Variants in ABCF2 observed in about 807,000 individuals in gnomAD.
ABCF2 encodes ATP binding cassette subfamily F member 2.
ABCF2 carries 37 observed loss-of-function variants against 76.9 expected under a neutral mutation model. The observed-to-expected ratio is 0.48, with a 90% CI of 0.37 to 0.63. The LOEUF (loss-of-function observed/expected upper bound fraction) is 0.63. ABCF2 is among the 30% of genes least tolerant of loss of function. ABCF2 has a pLI of 0.00. For synonymous variants in ABCF2, 299 were observed against 283.7 expected (o/e 1.05, Z -0.54); for missense variants, 524 against 782.1 (o/e 0.67, Z 3.94).
intron 1 of ABCF2, 72 bp from the exon 2 acceptor site, chr7:151,226,572 C>T: frequency 8.8e-7 from 1 of 1,139,398 alleles, no homozygotes; most frequent in Non-Finnish European, 1.2e-6. Context: ...TGCTCCATCC[C>T]TCTCAGGAAT....
chr7:151,215,953 C>G lies in ABCF2; in HGVS notation c.1401+14G>C. 6.2e-7 allele frequency: 1 copy of G among 1,613,892 alleles called. No individual in the cohort carries two copies. The highest frequency in any genetic ancestry group is 2.2e-5 in the East Asian group (1 of 44,874). ...CCCTGGGCAATTCCCCGGATCCCAA[C>G]CCCAGGCCTGTACCTGATGGTAACG... On this transcript the variant is annotated intron_variant, in intron 12 of 14. Coordinates refer to ENST00000287844, the MANE Select transcript of ABCF2 (RefSeq NM_007189.3). The surrounding 1 kb of genome is among the most constrained non-coding windows in gnomAD (Gnocchi z 4.6).
intron 11 of ABCF2, among the ~76,000 whole-genome samples, chr7:151,216,836 A>G (rs576104045): frequency 6.6e-6 from 1 of 152,342 alleles, no homozygotes; most frequent in African/African-American, 2.4e-5. Context: ...CACTTCTAAT[A>G]TTCAACATCA....
Position 151,212,167 on chromosome 7 carries a change from TTA to T in ABCF2, c.*1885_*1886del. ...GTTGCTCCCGCCAGTCCTGGCTGTA[TTA>T]TGAGTACTGAAAAATCATGGCTGTG... On this transcript the variant is annotated 3_prime_UTR_variant, in exon 15 of 15. Coordinates refer to ENST00000287844, the MANE Select transcript of ABCF2 (RefSeq NM_007189.3). The T allele has an allele frequency of 3.0e-6, 3 of 985,444 alleles. No individual in the cohort carries two copies. The highest frequency in any genetic ancestry group is 2.4e-6 in the Non-Finnish European group (2 of 829,930). 61.0% of individuals were successfully genotyped at this position (985,444 alleles called of 1,614,324 possible). A position where few individuals can be genotyped will look rare whatever the true frequency, so the allele number is the denominator to read the frequency against.
At chr7:151,222,369 A>C in intron 6 of ABCF2, 152 bp downstream of exon 6, 1 of 519,874 alleles carries the variant, frequency 1.9e-6, no homozygotes, top group South Asian at 3.5e-5. Flanking sequence ...CAACAGCCCT[A>C]AAGGTGCTCA....
In ABCF2 at chr7:151,220,849, A is replaced by G. The variant is rs538898082; in HGVS notation, c.921+729T>C. ...CTAAAAATACAAAAACTAGCCAGAC[A>G]TGGCAGTGCATGCCTGTAGTCCCAG... On this transcript the variant is annotated intron_variant, in intron 7 of 14. Coordinates refer to ENST00000287844, the MANE Select transcript of ABCF2 (RefSeq NM_007189.3). Among the ~76,000 whole-genome samples the G allele has an allele frequency of 9.2e-5, 14 of 152,320 alleles. No individual in the cohort carries two copies. The South Asian group carries it at 2.7e-3, about 29-fold the overall frequency.
At position 151,214,791 on chromosome 7, in the gene ABCF2, G is replaced by A. The variant is rs543841687; in HGVS notation, c.1734+88C>T. The stretch of plus-strand genomic sequence containing the variant: ...AGCCCCTTCTCTTAATTCAGTAGGC[G>A]GGTATTATGCACCCTCCACATGCCA... On this transcript the variant is annotated intron_variant, in intron 14 of 14. Transcript: ENST00000287844. The surrounding 1 kb of genome is among the most constrained non-coding windows in gnomAD (Gnocchi z 4.9). The A allele has an allele frequency of 8.4e-5, 106 of 1,262,082 alleles. No homozygotes were observed. Among genetic ancestry groups the A allele is most frequent in the South Asian group, 2.5e-4 (20 of 79,792 alleles). The allele number at this position is 1,262,082 out of a possible 1,614,324, so 78.2% of individuals were successfully genotyped here. A position where few individuals can be genotyped will look rare whatever the true frequency, so the allele number is the denominator to read the frequency against.
At chr7:151,221,556 G>A (rs763945496) in intron 7 of ABCF2, 22 bp downstream of exon 7, 5 of 1,385,222 alleles carry the variant, frequency 3.6e-6, no homozygotes, top group African/African-American at 2.9e-5. Flanking sequence ...GAGATTACCA[G>A]AAGAAGCCGA....
In ABCF2 at chr7:151,214,774, C is replaced by T; in HGVS notation, c.1734+105G>A. On this transcript the variant is annotated intron_variant, in intron 14 of 14. Transcript: ENST00000287844. This position sits in a 1 kb window ranked among gnomAD's most constrained non-coding sequence, Gnocchi z 4.9. Reference sequence around the variant, plus strand: ...CCTGTGTCTACACTCTGAGCCCCTTCTCTTAATTCAGTAGGCGGGTATTAT... The same window carrying T: ...CCTGTGTCTACACTCTGAGCCCCTTTTCTTAATTCAGTAGGCGGGTATTAT... 1 of 1,101,714 alleles carries T rather than the reference C, an allele frequency of 9.1e-7. No individual in the cohort carries two copies. Among genetic ancestry groups the T allele is most frequent in the South Asian group, 1.4e-5 (1 of 71,384 alleles). The allele number at this position is 1,101,714 out of a possible 1,614,324, so 68.2% of individuals were successfully genotyped here. A position where few individuals can be genotyped will look rare whatever the true frequency, so the allele number is the denominator to read the frequency against.
Position 151,218,153 on chromosome 7 carries a change from A to G in ABCF2, c.1266T>C (p.Leu422=), listed in dbSNP as rs1295343644. 2.5e-6 allele frequency: 4 copies of G among 1,614,008 alleles called. No individual in the cohort carries two copies. The highest frequency in any genetic ancestry group is 2.5e-6 in the Non-Finnish European group (3 of 1,179,978). ...GCCCTACCAGAGCCACTCGTGTGTC[A>G]AGGTCAATTCCAAATTCTAGATTAT... is the stretch of plus-strand genomic sequence containing the variant. The part of the protein sequence containing the change: ...IYNNLEFGID[L]DTRVALVGPN... The change falls in exon 11 of 15, where the codon CTT becomes CTC. Residue 422 remains leucine (L), a synonymous_variant. Transcript: ENST00000287844.
intron 11 of ABCF2, among the ~76,000 whole-genome samples, chr7:151,217,636 TA>T (rs1373592083): frequency 6.6e-6 from 1 of 151,874 alleles, no homozygotes; most frequent in Non-Finnish European, 1.5e-5. Context: ...CCATCTCTAC[TA>T]AAATACAAAA....
At position 151,214,446 on chromosome 7, in the gene ABCF2, G is replaced by A. The variant is rs1330656899; in HGVS notation, c.1735-255C>T. ...TGGCAGGGCCTAGATCTATTCAGAG[G>A]CTTCACTCTCAGCCTTCTTTTCTCC... On this transcript the variant is annotated intron_variant, in intron 14 of 14. Transcript: ENST00000287844. The surrounding 1 kb of genome is among the most constrained non-coding windows in gnomAD (Gnocchi z 4.9). 6.6e-6 allele frequency among the ~76,000 whole-genome samples: 1 copy of A among 152,254 alleles called. No individual in the cohort carries two copies. The highest frequency in any genetic ancestry group is 1.5e-5 in the Non-Finnish European group (1 of 68,028).
chr7:151,222,954 T>A (rs1426534115), intron 5 of ABCF2, among the ~76,000 whole-genome samples: 2 of 152,124 alleles, frequency 1.3e-5, no homozygotes, highest in Non-Finnish European at 2.9e-5. Context: ...CTAAAACAAA[T>A]TAGACCTATC....
intron 7 of ABCF2, among the ~76,000 whole-genome samples, chr7:151,220,290 G>A (rs12538502): frequency 0.097 from 14,648 of 150,952 alleles, 914 homozygotes; most frequent in South Asian, 0.26. Flanking sequence ...TCAGGAAGCC[G>A]AGGCAGGAGA....
chr7:151,211,998 CAAGA>C lies in ABCF2; in HGVS notation c.*2052_*2055del. 1.0e-6 allele frequency: 1 copy of C among 969,474 alleles called. No homozygotes were observed. Among genetic ancestry groups the C allele is most frequent in the Non-Finnish European group, 1.2e-6 (1 of 815,430 alleles). 60.1% of individuals were successfully genotyped at this position (969,474 alleles called of 1,614,324 possible). ...TTCCACCTTTCTGGGCAGCTACTCACAAGAAATTTCCCTCCTTTTTGAATACTTC... is the reference window on the plus strand; with the variant it reads ...TTCCACCTTTCTGGGCAGCTACTCACAATTTCCCTCCTTTTTGAATACTTC... On this transcript the variant is annotated 3_prime_UTR_variant, in exon 15 of 15. Coordinates refer to ENST00000287844, the MANE Select transcript of ABCF2 (RefSeq NM_007189.3).
chr7:151,220,970 T>G (rs922335685), intron 7 of ABCF2, among the ~76,000 whole-genome samples: 9 of 152,214 alleles, frequency 5.9e-5, no homozygotes, highest in Non-Finnish European at 4.4e-5. Flanking sequence ...GGAATGAGAT[T>G]CTGTTTCCAG....
At position 151,223,951 on chromosome 7, in the gene ABCF2, C is replaced by T. The variant is rs773912055; in HGVS notation, c.531G>A (p.Glu177=). 1.2e-6 allele frequency: 2 copies of T among 1,613,514 alleles called. No homozygotes were observed. The highest frequency in any genetic ancestry group is 4.5e-5 in the East Asian group (2 of 44,872). ...CCCTACCATCCTCATGAGCCAGCCG[C>T]TCTGCCTCTTTCTCCAGCATGGCCC... The part of the protein sequence containing the change: ...TERAMLEKEA[E]RLAHEDAECE... The change falls in exon 4 of 15, where the codon GAG becomes GAA. Residue 177 remains glutamate (E), a synonymous_variant. Transcript: ENST00000287844.
rs996978781 is a variant in ABCF2, at chr7:151,215,148, C to T, written c.1531-66G>A. 4.9e-6 allele frequency: 7 copies of T among 1,430,790 alleles called. No individual in the cohort carries two copies. Among genetic ancestry groups the T allele is most frequent in the Non-Finnish European group, 5.8e-6 (6 of 1,036,052 alleles). The allele number at this position is 1,430,790 out of a possible 1,614,324, so 88.6% of individuals were successfully genotyped here. ...CCGCCAAACAGCACAGCTCATCTCT[C>T]CCTCATTTCTCCCTGACTCCTCCAT... On this transcript the variant is annotated intron_variant, in intron 13 of 14. Coordinates refer to ENST00000287844, the MANE Select transcript of ABCF2 (RefSeq NM_007189.3). The surrounding 1 kb of genome is among the most constrained non-coding windows in gnomAD (Gnocchi z 4.6).
rs1004179865 is a variant in ABCF2, at chr7:151,223,868, C to T, written c.551-19G>A. The stretch of plus-strand genomic sequence containing the variant: ...CACTCCGCTGTGGACAGTGTATGGC[C>T]ATGAGGCTCCTGGGGGCCTTTCTGG... On this transcript the variant is annotated intron_variant, in intron 4 of 14. Coordinates refer to ENST00000287844, the MANE Select transcript of ABCF2 (RefSeq NM_007189.3). 3.7e-6 allele frequency: 6 copies of T among 1,606,708 alleles called. No individual in the cohort carries two copies. Among genetic ancestry groups the T allele is most frequent in the Non-Finnish European group, 5.1e-6 (6 of 1,174,980 alleles).
chr7:151,212,621 G>T lies in ABCF2; in HGVS notation c.*1433C>A. On this transcript the variant is annotated 3_prime_UTR_variant, in exon 15 of 15. Transcript: ENST00000287844. Reference sequence around the variant, plus strand: ...AAGTGAGCCTCCTCTTATCAGAGCAGCTGGGACCGCAGGCACATGCTACTA... The same window carrying T: ...AAGTGAGCCTCCTCTTATCAGAGCATCTGGGACCGCAGGCACATGCTACTA... The T allele has an allele frequency of 2.8e-6, 1 of 362,506 alleles. No homozygotes were observed. The highest frequency in any genetic ancestry group is 3.8e-6 in the Non-Finnish European group (1 of 261,100). 22.5% of individuals were successfully genotyped at this position (362,506 alleles called of 1,614,324 possible). A position where few individuals can be genotyped will look rare whatever the true frequency, so the allele number is the denominator to read the frequency against.
Sources: gnomAD v4.1 joint callset for allele counts (sites outside exome capture counted in the v4.1 genomes callset) on GRCh38, gnomAD v4.1.1 for gene constraint, Gnocchi (gnomAD v3.1) non-coding constraint, MANE v1.5 for transcripts, NCBI Gene and HGNC (gene_info 2026-07-23, HGNC 2026-07-21) for gene names.